The following ATRX variants were observed in gnomAD, a reference collection of about 807,000 sequenced individuals.
ATRX encodes ATRX chromatin remodeler.
A neutral mutation model predicts 172.6 loss-of-function variants in ATRX; 12 were observed. The observed-to-expected ratio is 0.07, with a 90% CI of 0.04 to 0.11. The LOEUF (loss-of-function observed/expected upper bound fraction) is 0.11, where lower values mean the gene tolerates loss of function less well. ATRX is among the 10% of genes least tolerant of loss of function. The pLI is 1.00. For synonymous variants in ATRX, 674 were observed against 594.7 expected (o/e 1.13, Z -1.94); for missense variants, 1,368 against 1,767.4 (o/e 0.77, Z 4.05).
chrX:77,765,111 G>A (rs1342209738), intron 1 of ATRX, among the ~76,000 whole-genome samples: 1 of 108,502 alleles, frequency 9.2e-6, no homozygotes, highest in Non-Finnish European at 1.9e-5. Flanking sequence ...AGGTTGCAGT[G>A]AGCCGAGATC....
intron 29 of ATRX, among the ~76,000 whole-genome samples, chrX:77,558,232 AAACTT>A (rs1557059932): frequency 9.0e-6 from 1 of 111,107 alleles, no homozygotes; most frequent in Non-Finnish European, 1.9e-5. Flanking sequence ...CAGAAGTTTT[AAACTT>A]AACAGGAAAG....
At chrX:77,602,769 ATACTT>A (rs782474320) in intron 22 of ATRX, among the ~76,000 whole-genome samples, 2 of 111,136 alleles carry the variant, frequency 1.8e-5, no homozygotes, top group African/African-American at 6.5e-5. Flanking sequence ...GTTAAAGAAA[ATACTT>A]TAGTAAGAAG....
intron 10 of ATRX, among the ~76,000 whole-genome samples, chrX:77,669,356 G>A (rs1334370031): frequency 4.6e-5 from 5 of 108,782 alleles, no homozygotes; most frequent in Non-Finnish European, 7.6e-5. Context: ...CACCCAGGCT[G>A]AAGTGCAGTA....
chrX:77,721,743 T>C (rs1236976737), intron 1 of ATRX, among the ~76,000 whole-genome samples: 1 of 111,724 alleles, frequency 9.0e-6, no homozygotes, highest in Non-Finnish European at 1.9e-5. Context: ...ATGGCCATAC[T>C]GCCCAAAGTA....
chrX:77,767,626 C>G (rs2076018811), intron 1 of ATRX, among the ~76,000 whole-genome samples: 1 of 110,859 alleles, frequency 9.0e-6, no homozygotes, highest in Non-Finnish European at 1.9e-5. Context: ...AACTCCTGAC[C>G]TCAGGTGATC....
chrX:77,720,720 G>A (rs1375140468), intron 1 of ATRX, among the ~76,000 whole-genome samples: 1 of 111,841 alleles, frequency 8.9e-6, no homozygotes, highest in Non-Finnish European at 1.9e-5. Context: ...GGACCAGACA[G>A]ATTCAAAGCT....
At chrX:77,588,243 A>G (rs1557078280) in intron 27 of ATRX, among the ~76,000 whole-genome samples, 1 of 112,206 alleles carries the variant, frequency 8.9e-6, no homozygotes, top group East Asian at 2.8e-4. Flanking sequence ...ACTGAAGTTG[A>G]GCCTTTACCT....
At chrX:77,511,809 A>C (rs1468677040) in intron 34 of ATRX, among the ~76,000 whole-genome samples, 4 of 111,748 alleles carry the variant, frequency 3.6e-5, no homozygotes, top group Non-Finnish European at 7.5e-5. Context: ...ACAATGAAGC[A>C]CATCTACAAG....
intron 27 of ATRX, among the ~76,000 whole-genome samples, chrX:77,578,967 C>A (rs1176876879): frequency 1.3e-4 from 14 of 111,427 alleles, no homozygotes; most frequent in Non-Finnish European, 2.1e-4. Context: ...GACTAAATAG[C>A]CCTTAGGCCT....
chrX:77,696,486 A>G (rs1422079338), intron 5 of ATRX, 91 bp downstream of exon 5: 1 of 974,381 alleles, frequency 1.0e-6, no homozygotes, highest in Admixed American at 2.3e-5. Flanking sequence ...TCGTTTGTAC[A>G]TAGTTAACAG....
intron 1 of ATRX, among the ~76,000 whole-genome samples, chrX:77,731,911 C>A (rs1313407693): frequency 9.0e-6 from 1 of 111,322 alleles, no homozygotes; most frequent in Non-Finnish European, 1.9e-5. Context: ...GGATGCCAGA[C>A]AAGAGCTCAG....
chrX:77,655,649 T>G (rs1259736849), intron 13 of ATRX, among the ~76,000 whole-genome samples: 2 of 109,944 alleles, frequency 1.8e-5, no homozygotes, highest in Non-Finnish European at 1.9e-5. Context: ...TTGCAAATAT[T>G]CTGAAGACCA....
chrX:77,749,576 C>T (rs1261086533), intron 1 of ATRX, among the ~76,000 whole-genome samples: 1 of 111,950 alleles, frequency 8.9e-6, no homozygotes, highest in African/African-American at 3.2e-5. Context: ...ACAAATTCTA[C>T]AATGCAAGCA....
intron 30 of ATRX, among the ~76,000 whole-genome samples, chrX:77,554,126 G>C (rs2064671441): frequency 1.8e-5 from 2 of 110,840 alleles, no homozygotes; most frequent in African/African-American, 6.6e-5. Flanking sequence ...CCAACATGGT[G>C]AAACCCCATC....
intron 28 of ATRX, among the ~76,000 whole-genome samples, chrX:77,559,428 A>T (rs1467120122): frequency 1.9e-5 from 2 of 102,624 alleles, no homozygotes; most frequent in African/African-American, 7.1e-5. Flanking sequence ...AAGCATTTAT[A>T]AGGTTTCTTT....
intron 30 of ATRX, among the ~76,000 whole-genome samples, chrX:77,543,706 G>A (rs1321213628): frequency 1.8e-5 from 2 of 110,355 alleles, no homozygotes; most frequent in African/African-American, 6.6e-5. Context: ...ACTGACACAA[G>A]AACAGAAAAT....
chrX:77,717,014 C>T, intron 2 of ATRX, 117 bp downstream of exon 2: 1 of 622,701 alleles, frequency 1.6e-6, no homozygotes, highest in Non-Finnish European at 2.5e-6. Flanking sequence ...TCATTTTCCA[C>T]AAACTGAAAT....
At chrX:77,746,333 CCTTT>C (rs2075074762) in intron 1 of ATRX, among the ~76,000 whole-genome samples, 1 of 111,072 alleles carries the variant, frequency 9.0e-6, no homozygotes, top group Non-Finnish European at 1.9e-5. Context: ...AACATAAATT[CCTTT>C]GAGAATGTTT....
intron 30 of ATRX, among the ~76,000 whole-genome samples, chrX:77,531,676 T>C (rs1461168200): frequency 1.8e-5 from 2 of 111,807 alleles, no homozygotes; most frequent in Admixed American, 1.9e-4. Context: ...GCCAATATCA[T>C]ACTGAATGGG....
Sources: gnomAD v4.1 joint callset for allele counts (sites outside exome capture counted in the v4.1 genomes callset) on GRCh38, gnomAD v4.1.1 for gene constraint, MANE v1.5 for transcripts, NCBI Gene and HGNC (gene_info 2026-07-23, HGNC 2026-07-21) for gene names.